ADAM19: variants seen among roughly 807,000 people sequenced by gnomAD.
The protein encoded by ADAM19 is disintegrin and metalloproteinase domain-containing protein 19.
A neutral mutation model predicts 114.7 loss-of-function variants in ADAM19; 65 were observed. The observed-to-expected ratio is 0.57, with a 90% CI of 0.46 to 0.70. The LOEUF (loss-of-function observed/expected upper bound fraction) is 0.70. Among genes scored for constraint, ADAM19 ranks in the 30% least tolerant of loss-of-function variants. The probability of loss-of-function intolerance (pLI) is 0.00; values close to 1 mark genes in which losing one functional copy is unlikely to be tolerated. For missense variants in ADAM19, 1,063 were observed against 1,204.7 expected, an observed-to-expected ratio of 0.88 and a Z score of 1.74; for synonymous variants, 466 against 460.5, an observed-to-expected ratio of 1.01 and a Z score of -0.15.
chr5:157,489,094 G>A lies in ADAM19; in HGVS notation c.2325+8C>T. On this transcript the variant is annotated splice_region_variant and intron_variant, in intron 20 of 22. Coordinates refer to ENST00000257527, the MANE Select transcript of ADAM19 (RefSeq NM_033274.5). ...AAGTAGCAAAGTTCAGTGGTGCAAA[G>A]CTCTTACCTTTCGCTTGCCCTGGGG... 1 of 1,612,692 alleles carries A rather than the reference G, an allele frequency of 6.2e-7. No individual in the cohort carries two copies. The highest frequency in any genetic ancestry group is 8.5e-7 in the Non-Finnish European group (1 of 1,178,700).
intron 21 of ADAM19, among the ~76,000 whole-genome samples, chr5:157,483,620 T>C (rs2113684487): frequency 6.7e-6 from 1 of 149,656 alleles, no homozygotes; most frequent in South Asian, 2.2e-4. Flanking sequence ...GAGGGGTGTG[T>C]TCCAGGTGAA....
chr5:157,511,984 G>A (rs991522393), intron 8 of ADAM19, among the ~76,000 whole-genome samples: 7 of 152,324 alleles, frequency 4.6e-5, no homozygotes, highest in Middle Eastern at 3.4e-3. Context: ...AGCCAAGTCC[G>A]AACCTGCCAG....
In ADAM19 at chr5:157,499,668, G is replaced by A. The variant is rs745388567; in HGVS notation, c.1309-6C>T. The A allele has an allele frequency of 2.1e-5, 33 of 1,600,888 alleles. No homozygotes were observed. Among genetic ancestry groups the A allele is most frequent in the Non-Finnish European group, 2.8e-5 (33 of 1,173,184 alleles). On this transcript the variant is annotated splice_region_variant and splice_polypyrimidine_tract_variant and intron_variant, in intron 12 of 22. Coordinates refer to ENST00000257527, the MANE Select transcript of ADAM19 (RefSeq NM_033274.5). ...CAGCAGGGGTTGTTACATTCCTGGG[G>A]AGGCAGTGGGGTGGGTGTGAGTGGG...
chr5:157,550,925 T>A (rs188110928), intron 3 of ADAM19, among the ~76,000 whole-genome samples: 32 of 152,334 alleles, frequency 2.1e-4, no homozygotes, highest in Non-Finnish European at 4.0e-4. Context: ...CGTTTGATAA[T>A]TTTTCACTAT....
rs199736936 is a variant in ADAM19, at chr5:157,513,516, C to A, written c.667-11G>T. On this transcript the variant is annotated splice_polypyrimidine_tract_variant and intron_variant, in intron 7 of 22. Coordinates refer to ENST00000257527, the MANE Select transcript of ADAM19 (RefSeq NM_033274.5). ...TCGATTCTTCTGAAACTAAATGGGA[C>A]AAGCAGAACCATGTGAGATCCCAGA... 6.2e-6 allele frequency: 10 copies of A among 1,613,110 alleles called. No homozygotes were observed. The highest frequency in any genetic ancestry group is 8.5e-6 in the Non-Finnish European group (10 of 1,179,210).
chr5:157,513,286 T>C, intron 8 of ADAM19, 148 bp downstream of exon 8: 1 of 657,644 alleles, frequency 1.5e-6, no homozygotes, highest in South Asian at 2.0e-5. Context: ...AGTTCAGGGC[T>C]CTGTCATGAC....
At chr5:157,532,389 T>C (rs1219418706) in intron 4 of ADAM19, among the ~76,000 whole-genome samples, 1 of 152,242 alleles carries the variant, frequency 6.6e-6, no homozygotes, top group East Asian at 1.9e-4. Context: ...CCGAGCATTT[T>C]ATAAGTCAGG....
At chr5:157,483,444 G>A (rs528387717) in intron 21 of ADAM19, among the ~76,000 whole-genome samples, 1 of 152,162 alleles carries the variant, frequency 6.6e-6, no homozygotes, top group Non-Finnish European at 1.5e-5. Flanking sequence ...GTTGATAGGG[G>A]CTGGCGTGGG....
At chr5:157,488,188 CCCACCTTTG>C in intron 21 of ADAM19, 68 bp downstream of exon 21, 2 of 1,437,044 alleles carry the variant, frequency 1.4e-6, no homozygotes, top group Non-Finnish European at 1.9e-6. Flanking sequence ...TTTCACCTTC[CCCACCTTTG>C]CCATTACCCA....
intron 21 of ADAM19, among the ~76,000 whole-genome samples, chr5:157,487,095 T>C (rs1754962629): frequency 6.6e-6 from 1 of 152,052 alleles, no homozygotes; most frequent in South Asian, 2.1e-4. Flanking sequence ...TGTGAGAAAA[T>C]AAGTGTCTGT....
At chr5:157,565,822 T>TC (rs1330676349) in intron 2 of ADAM19, 2 of 147,144 alleles carry the variant, frequency 1.4e-5, no homozygotes, top group African/African-American at 5.0e-5. Flanking sequence ...TAATAATGAA[T>TC]AATGGGCCAG....
rs768416577 is a variant in ADAM19 at position 157,499,685 on chromosome 5, G to A, written c.1309-23C>T. 1.9e-6 allele frequency: 3 copies of A among 1,546,460 alleles called. No individual in the cohort carries two copies. The African/African-American group carries it at 4.1e-5, about 21-fold the overall frequency. On this transcript the variant is annotated intron_variant, in intron 12 of 22. Coordinates refer to ENST00000257527, the MANE Select transcript of ADAM19 (RefSeq NM_033274.5). The stretch of plus-strand genomic sequence containing the variant: ...TTCCTGGGGAGGCAGTGGGGTGGGT[G>A]TGAGTGGGGGAGGGCCTTCACCACC...
intron 5 of ADAM19, among the ~76,000 whole-genome samples, chr5:157,521,796 T>C (rs1187171880): frequency 6.6e-6 from 1 of 152,192 alleles, no homozygotes; most frequent in Non-Finnish European, 1.5e-5. Flanking sequence ...ACGCATCCTG[T>C]TCCCAAGTTA....
intron 3 of ADAM19, among the ~76,000 whole-genome samples, chr5:157,556,217 T>C (rs1348741076): frequency 4.8e-5 from 6 of 125,942 alleles, no homozygotes; most frequent in African/African-American, 1.7e-4. Context: ...TTCTTTTTTT[T>C]TTTTTTTTTT....
At chr5:157,553,156 A>G (rs1249865360) in intron 3 of ADAM19, among the ~76,000 whole-genome samples, 1 of 152,222 alleles carries the variant, frequency 6.6e-6, no homozygotes, top group African/African-American at 2.4e-5. Context: ...TAATAATTTA[A>G]CTATACATTT....
chr5:157,513,804 C>T (rs534771452), intron 7 of ADAM19, among the ~76,000 whole-genome samples: 10 of 152,312 alleles, frequency 6.6e-5, no homozygotes, highest in Middle Eastern at 6.8e-3. Flanking sequence ...TCCTGTCCTT[C>T]GAATTACATG....
intron 5 of ADAM19, among the ~76,000 whole-genome samples, chr5:157,528,769 T>C (rs957780010): frequency 2.6e-5 from 4 of 152,210 alleles, no homozygotes; most frequent in African/African-American, 9.6e-5. Flanking sequence ...AAAACCCTTA[T>C]GTTTAAAAGT....
chr5:157,517,769 T>C (rs1410101086), intron 7 of ADAM19, among the ~76,000 whole-genome samples: 2 of 152,208 alleles, frequency 1.3e-5, no homozygotes, highest in African/African-American at 2.4e-5. Context: ...AAATACATGA[T>C]GAGCCAGGTG....
intron 2 of ADAM19, among the ~76,000 whole-genome samples, chr5:157,567,097 C>T (rs897021513): frequency 1.3e-5 from 2 of 152,198 alleles, no homozygotes; most frequent in Non-Finnish European, 1.5e-5. Context: ...TGTTCTGCCA[C>T]CTCTGGTTAG....
Sources: allele counts gnomAD v4.1 joint callset (sites outside exome capture counted in the v4.1 genomes callset), GRCh38; gene constraint gnomAD v4.1.1; transcripts MANE v1.5; gene names NCBI Gene and HGNC (gene_info 2026-07-23, HGNC 2026-07-21).